The following SMURF1 variants were observed in gnomAD, a reference collection of about 807,000 sequenced individuals.
SMURF1 encodes E3 ubiquitin-protein ligase SMURF1.
SMURF1 carries 44 observed loss-of-function variants against 98.0 expected under a neutral mutation model. The observed-to-expected ratio is 0.45, with a 90% CI of 0.35 to 0.58. The LOEUF is 0.58. SMURF1 is among the 20% of genes least tolerant of loss of function. The pLI is 0.00. For synonymous variants in SMURF1, 396 were observed against 374.9 expected (o/e 1.06, Z -0.65); for missense variants, 687 against 938.4 (o/e 0.73, Z 3.50).
intron 1 of SMURF1, among the ~76,000 whole-genome samples, chr7:99,117,679 A>G (rs949624870): frequency 4.6e-5 from 7 of 152,124 alleles, no homozygotes; most frequent in Non-Finnish European, 7.4e-5. Context: ...AAAGAACTCC[A>G]TCATTTAAAA....
intron 1 of SMURF1, among the ~76,000 whole-genome samples, chr7:99,116,816 A>G (rs1002880821): frequency 1.3e-5 from 2 of 152,212 alleles, no homozygotes; most frequent in Non-Finnish European, 1.5e-5. Flanking sequence ...TCAAAGCCCC[A>G]AGTGCCTTTT....
chr7:99,033,187 GC>G, intron 16 of SMURF1, 66 bp from the exon 17 acceptor site: 4 of 1,489,588 alleles, frequency 2.7e-6, no homozygotes, highest in Non-Finnish European at 3.7e-6. Flanking sequence ...CGGCCACACA[GC>G]CCCCAGGAGC....
At chr7:99,061,735 A>T in intron 2 of SMURF1, 64 bp downstream of exon 2, 4 of 1,323,328 alleles carry the variant, frequency 3.0e-6, no homozygotes, top group Non-Finnish European at 4.2e-6. Context: ...CTTTTTTTAA[A>T]GTTTAAAATT....
At chr7:99,060,465 AT>A in intron 3 of SMURF1, 133 bp downstream of exon 3, 1 of 535,336 alleles carries the variant, frequency 1.9e-6, no homozygotes, top group Non-Finnish European at 3.3e-6. Flanking sequence ...CAATGTAGAC[AT>A]TCATTTGGCC....
At chr7:99,138,215 T>C (rs1302733194) in intron 1 of SMURF1, among the ~76,000 whole-genome samples, 2 of 152,228 alleles carry the variant, frequency 1.3e-5, no homozygotes, top group African/African-American at 4.8e-5. Context: ...TTAGCTGTCT[T>C]ACCCAGCAAA....
At chr7:99,040,311 G>C in intron 13 of SMURF1, 67 bp downstream of exon 13, 1 of 1,373,774 alleles carries the variant, frequency 7.3e-7, no homozygotes, top group Non-Finnish European at 9.5e-7. Context: ...GCGCGCGCAC[G>C]CGCATACATA....
At chr7:99,127,974 C>G (rs1473330869) in intron 1 of SMURF1, among the ~76,000 whole-genome samples, 1 of 152,130 alleles carries the variant, frequency 6.6e-6, no homozygotes, top group East Asian at 1.9e-4. Flanking sequence ...TATTTCAATT[C>G]AGGTTCCATT....
At chr7:99,120,342 T>C (rs897178137) in intron 1 of SMURF1, among the ~76,000 whole-genome samples, 6 of 152,166 alleles carry the variant, frequency 3.9e-5, no homozygotes, top group African/African-American at 1.4e-4. Flanking sequence ...CTTCAAAGTC[T>C]CCAGGTACAC....
At chr7:99,057,765 T>C (rs905159605) in intron 3 of SMURF1, among the ~76,000 whole-genome samples, 3 of 152,022 alleles carry the variant, frequency 2.0e-5, no homozygotes, top group Admixed American at 2.0e-4. Context: ...GCCTGGCTAA[T>C]TTTTGTATTT....
intron 1 of SMURF1, among the ~76,000 whole-genome samples, chr7:99,099,550 G>A (rs1365020301): frequency 1.3e-5 from 2 of 152,158 alleles, no homozygotes; most frequent in Non-Finnish European, 2.9e-5. Context: ...CACTGCTGTG[G>A]TTTGGTCTGT....
intron 11 of SMURF1, among the ~76,000 whole-genome samples, chr7:99,044,793 C>T (rs993309090): frequency 9.2e-5 from 14 of 152,062 alleles, no homozygotes; most frequent in East Asian, 7.7e-4. Flanking sequence ...TCATTAAATC[C>T]GGAAATAACA....
intron 9 of SMURF1, 106 bp downstream of exon 9, chr7:99,049,457 A>T: frequency 8.6e-7 from 1 of 1,164,342 alleles, no homozygotes; most frequent in Non-Finnish European, 1.2e-6. Context: ...GACCATGCTT[A>T]TTATCCAACC....
At position 99,093,827 on chromosome 7, in the gene SMURF1, G is replaced by C. The variant is rs536730218; in HGVS notation, c.56-31990C>G. Among the ~76,000 whole-genome samples the C allele has an allele frequency of 2.0e-5, 3 of 151,998 alleles. No individual in the cohort carries two copies. In the East Asian group the frequency reaches 5.8e-4, roughly 29 times the overall value. ...GAAGCCAATTCTTCAATTATAAATT[G>C]ATCATAAGTAAATTTGCTAAAACAA... On this transcript the variant is annotated intron_variant, in intron 1 of 17. Transcript: ENST00000361368.
At chr7:99,073,075 A>C (rs1295378246) in intron 1 of SMURF1, among the ~76,000 whole-genome samples, 2 of 152,214 alleles carry the variant, frequency 1.3e-5, no homozygotes, top group African/African-American at 2.4e-5. Context: ...TACTTCATCA[A>C]GACAACTGAG....
chr7:99,105,790 A>G (rs1481135838), intron 1 of SMURF1, among the ~76,000 whole-genome samples: 2 of 152,244 alleles, frequency 1.3e-5, no homozygotes, highest in Non-Finnish European at 2.9e-5. Flanking sequence ...GATATTTATC[A>G]CACAGTTGGA....
chr7:99,118,776 T>C (rs1458737388), intron 1 of SMURF1, among the ~76,000 whole-genome samples: 4 of 152,196 alleles, frequency 2.6e-5, no homozygotes, highest in African/African-American at 9.7e-5. Flanking sequence ...GTAAATTTTA[T>C]GTTGCAAGAA....
chr7:99,032,876 T>C (rs1359757632), intron 17 of SMURF1, 161 bp downstream of exon 17: 56 of 944,456 alleles, frequency 5.9e-5, no homozygotes, highest in Non-Finnish European at 7.3e-5. Flanking sequence ...AACTCTAGAA[T>C]TTCTCCTTCT....
intron 10 of SMURF1, among the ~76,000 whole-genome samples, chr7:99,047,336 T>G (rs1372231711): frequency 6.6e-6 from 1 of 152,226 alleles, no homozygotes; most frequent in Non-Finnish European, 1.5e-5. Flanking sequence ...CCACATCATG[T>G]AGACAAGGCG....
intron 14 of SMURF1, 107 bp from the exon 15 acceptor site, chr7:99,037,294 A>C (rs764273679): frequency 7.0e-7 from 1 of 1,421,148 alleles, no homozygotes; most frequent in Non-Finnish European, 9.8e-7. Flanking sequence ...CTGGAGTGCA[A>C]TGGCTCAATC....
Sources: gnomAD v4.1 joint callset for allele counts (sites outside exome capture counted in the v4.1 genomes callset) on GRCh38, gnomAD v4.1.1 for gene constraint, MANE v1.5 for transcripts, NCBI Gene and HGNC (gene_info 2026-07-23, HGNC 2026-07-21) for gene names.